The following PLAG1 variants were observed in gnomAD, a reference collection of about 807,000 sequenced individuals.
PLAG1 encodes PLAG1 zinc finger.
A neutral mutation model predicts 35.5 loss-of-function variants in PLAG1; 7 were observed. The observed-to-expected ratio is 0.20, with a 90% CI of 0.11 to 0.37. The LOEUF (loss-of-function observed/expected upper bound fraction) is 0.37. Ranked by LOEUF, PLAG1 falls within the 10% of genes least tolerant of loss-of-function variation. The pLI is 1.00. For missense variants in PLAG1, 454 were observed against 602.8 expected, an observed-to-expected ratio of 0.75 and a Z score of 2.58; for synonymous variants, 229 against 225.4, an observed-to-expected ratio of 1.02 and a Z score of -0.14.
At chr8:56,183,424 T>C (rs1386214189) in intron 1 of PLAG1, among the ~76,000 whole-genome samples, 1 of 152,174 alleles carries the variant, frequency 6.6e-6, no homozygotes, top group African/African-American at 2.4e-5. Context: ...TTAAAGAATA[T>C]TAAATCCTAT....
intron 1 of PLAG1, among the ~76,000 whole-genome samples, chr8:56,210,706 G>T (rs762189590): frequency 3.3e-5 from 5 of 151,900 alleles, no homozygotes; most frequent in Non-Finnish European, 7.4e-5. Flanking sequence ...TATTTTTCGG[G>T]TCTCTAATGT....
At chr8:56,197,364 T>C (rs1179552258) in intron 1 of PLAG1, among the ~76,000 whole-genome samples, 1 of 152,210 alleles carries the variant, frequency 6.6e-6, no homozygotes, top group African/African-American at 2.4e-5. Flanking sequence ...ACCTTCTGGA[T>C]GTGTCACTCT....
chr8:56,207,973 T>C (rs1252424678), intron 1 of PLAG1, among the ~76,000 whole-genome samples: 2 of 152,008 alleles, frequency 1.3e-5, no homozygotes, highest in African/African-American at 4.8e-5. Context: ...AGAAAAAAAA[T>C]CACAATACCA....
chr8:56,193,744 C>CT (rs1812261649), intron 1 of PLAG1, among the ~76,000 whole-genome samples: 1 of 144,692 alleles, frequency 6.9e-6, no homozygotes, highest in African/African-American at 2.6e-5. Context: ...GTCGCCCAGG[C>CT]TGGAGTGCAG....
chr8:56,198,409 C>G (rs999261998), intron 1 of PLAG1, among the ~76,000 whole-genome samples: 1 of 152,182 alleles, frequency 6.6e-6, no homozygotes, highest in African/African-American at 2.4e-5. Context: ...AAGGAGGTGA[C>G]GGGAGCACCC....
intron 1 of PLAG1, among the ~76,000 whole-genome samples, 197 bp downstream of exon 1, chr8:56,210,923 CG>C (rs1812884001): frequency 6.6e-6 from 1 of 151,816 alleles, no homozygotes; most frequent in African/African-American, 2.4e-5. Context: ...CGCAGCCCCG[CG>C]TAATTATTTT....
At chr8:56,182,899 T>C (rs1585797318) in intron 1 of PLAG1, among the ~76,000 whole-genome samples, 1 of 152,166 alleles carries the variant, frequency 6.6e-6, no homozygotes, top group African/African-American at 2.4e-5. Context: ...AAGGGGCTTC[T>C]TTATCAAACT....
chr8:56,193,003 A>G (rs1250983268), intron 1 of PLAG1, among the ~76,000 whole-genome samples: 1 of 152,218 alleles, frequency 6.6e-6, no homozygotes. Context: ...ATAACAGCTA[A>G]CAGCAGGTAT....
intron 1 of PLAG1, among the ~76,000 whole-genome samples, chr8:56,204,717 C>T (rs1362229713): frequency 6.6e-6 from 1 of 151,786 alleles, no homozygotes; most frequent in Non-Finnish European, 1.5e-5. Flanking sequence ...TAGGAAATCA[C>T]AATCAATATA....
chr8:56,209,840 G>A (rs1161537586), intron 1 of PLAG1, among the ~76,000 whole-genome samples: 1 of 151,998 alleles, frequency 6.6e-6, no homozygotes, highest in Non-Finnish European at 1.5e-5. Context: ...AAAACCTGAA[G>A]CATAAATGCG....
chr8:56,200,421 A>G (rs1280229720), intron 1 of PLAG1, among the ~76,000 whole-genome samples: 2 of 152,234 alleles, frequency 1.3e-5, no homozygotes, highest in African/African-American at 2.4e-5. Context: ...CTCTGCGTGC[A>G]GCGGGCCCCG....
At chr8:56,188,139 T>G (rs1307704798) in intron 1 of PLAG1, among the ~76,000 whole-genome samples, 2 of 152,166 alleles carry the variant, frequency 1.3e-5, no homozygotes, top group Non-Finnish European at 2.9e-5. Context: ...CACTGTGAGT[T>G]CTACAACACA....
chr8:56,177,618 A>G (rs772075995), intron 2 of PLAG1, among the ~76,000 whole-genome samples: 45 of 152,134 alleles, frequency 3.0e-4, no homozygotes, highest in Non-Finnish European at 5.3e-4. Flanking sequence ...ATCTGCAGGG[A>G]TACTATTATT....
intron 1 of PLAG1, among the ~76,000 whole-genome samples, chr8:56,183,550 G>A (rs1390298563): frequency 6.6e-6 from 1 of 152,092 alleles, no homozygotes; most frequent in Non-Finnish European, 1.5e-5. Flanking sequence ...TTAAAAGTAT[G>A]CACTTAAAAC....
At chr8:56,169,668 A>G (rs1030468963) in intron 3 of PLAG1, among the ~76,000 whole-genome samples, 1 of 152,106 alleles carries the variant, frequency 6.6e-6, no homozygotes, top group Non-Finnish European at 1.5e-5. Flanking sequence ...CAGCCTCCCG[A>G]GTAGCTGGGA....
chr8:56,190,252 T>C (rs886817620), intron 1 of PLAG1, among the ~76,000 whole-genome samples: 1 of 151,966 alleles, frequency 6.6e-6, no homozygotes, highest in African/African-American at 2.4e-5. Flanking sequence ...GCAGAGACCA[T>C]GGCACTGCAA....
At chr8:56,203,964 G>C (rs919443485) in intron 1 of PLAG1, among the ~76,000 whole-genome samples, 2 of 151,882 alleles carry the variant, frequency 1.3e-5, no homozygotes, top group African/African-American at 4.8e-5. Context: ...TTGAGGTGTA[G>C]CTTATTTATA....
intron 1 of PLAG1, among the ~76,000 whole-genome samples, chr8:56,206,251 G>C (rs558382935): frequency 6.6e-6 from 1 of 151,988 alleles, no homozygotes; most frequent in East Asian, 1.9e-4. Context: ...CTGGACAGCA[G>C]ACTAATCGAT....
intron 1 of PLAG1, among the ~76,000 whole-genome samples, chr8:56,205,909 G>A (rs73596228): frequency 0.064 from 9,685 of 151,796 alleles, 1,024 homozygotes; most frequent in African/African-American, 0.22. Context: ...CAAATTCCCA[G>A]CACACACTGT....
Sources: gnomAD v4.1 joint callset for allele counts (sites outside exome capture counted in the v4.1 genomes callset) on GRCh38, gnomAD v4.1.1 for gene constraint, MANE v1.5 for transcripts, NCBI Gene and HGNC (gene_info 2026-07-23, HGNC 2026-07-21) for gene names.